The following MAP3K13 variants were observed in gnomAD, a reference collection of about 807,000 sequenced individuals.
MAP3K13 encodes the protein mitogen-activated protein kinase kinase kinase 13, also known as leucine zipper-bearing kinase.
In MAP3K13, 52 loss-of-function variants were observed where a neutral mutation model predicts 104.0. That is an observed-to-expected ratio of 0.50 (90% CI 0.40 to 0.63). The LOEUF is 0.63. Ranked by LOEUF, MAP3K13 falls within the 20% of genes least tolerant of loss-of-function variation. MAP3K13 has a pLI of 0.00. For missense variants in MAP3K13, 914 were observed against 1,218.5 expected, an observed-to-expected ratio of 0.75 and a Z score of 3.72; for synonymous variants, 394 against 442.2, an observed-to-expected ratio of 0.89 and a Z score of 1.37.
intron 1 of MAP3K13, among the ~76,000 whole-genome samples, chr3:185,419,727 A>C (rs1277931530): frequency 6.6e-6 from 1 of 152,146 alleles, no homozygotes; most frequent in Non-Finnish European, 1.5e-5. Context: ...AAAATGTTGA[A>C]TATTAATACT....
Position 185,338,365 on chromosome 3 carries a change from G to A in MAP3K13, c.-86+52722G>A, listed in dbSNP as rs1033022570. Reference sequence around the variant, plus strand: ...AAAAAAAAGACATGAAAAACAAGTGGCTCATATGGGTGTTTTAAGAAACTG... The same window carrying A: ...AAAAAAAAGACATGAAAAACAAGTGACTCATATGGGTGTTTTAAGAAACTG... On this transcript the variant is annotated intron_variant, in intron 2 of 14. Transcript: ENST00000424227. Among the ~76,000 whole-genome samples, 96 of 150,560 alleles carry A rather than the reference G, an allele frequency of 6.4e-4. 1 individual carries two copies. The highest frequency in any genetic ancestry group is 6.9e-3 in the Middle Eastern group (2 of 290).
chr3:185,366,656 G>T (rs183240945), intron 1 of MAP3K13, among the ~76,000 whole-genome samples: 65 of 152,300 alleles, frequency 4.3e-4, no homozygotes, highest in South Asian at 6.2e-4. Context: ...GAATCTCATT[G>T]TGGTTTTGGT....
intron 2 of MAP3K13, among the ~76,000 whole-genome samples, chr3:185,332,851 T>C (rs898127643): frequency 6.6e-6 from 1 of 152,248 alleles, no homozygotes; most frequent in Non-Finnish European, 1.5e-5. Flanking sequence ...TCTGTGAACA[T>C]GGATGTGCAG....
In MAP3K13 at chr3:185,485,603, A is replaced by G. The variant is rs184243098; in HGVS notation, c.*3147A>G. The stretch of plus-strand genomic sequence containing the variant: ...GGTGATCAGATCGACTGTCTCGGTT[A>G]TCAGATGACTGTATCGCAGTGCTTG... On this transcript the variant is annotated 3_prime_UTR_variant, in exon 14 of 14. Coordinates refer to ENST00000265026, the MANE Select transcript of MAP3K13 (RefSeq NM_004721.5). The G allele has an allele frequency of 2.4e-4, 36 of 152,278 alleles. No individual in the cohort carries two copies. The highest frequency in any genetic ancestry group is 7.2e-4 in the African/African-American group (30 of 41,558). 9.4% of individuals were successfully genotyped at this position (152,278 alleles called of 1,614,324 possible). A position where few individuals can be genotyped will look rare whatever the true frequency, so the allele number is the denominator to read the frequency against.
chr3:185,456,033 T>C (rs955857946), intron 7 of MAP3K13, among the ~76,000 whole-genome samples: 17 of 149,540 alleles, frequency 1.1e-4, no homozygotes, highest in African/African-American at 3.7e-4. Flanking sequence ...GATATATGTT[T>C]TTCTACCTGC....
At chr3:185,408,407 T>A (rs7624387) in intron 1 of MAP3K13, among the ~76,000 whole-genome samples, 35,878 of 151,666 alleles carry the variant, frequency 0.24, 4,889 homozygotes, top group African/African-American at 0.38. Context: ...TGCCATCTCC[T>A]CTAAAAGTAC....
At chr3:185,392,425 C>T (rs1016932167) in intron 1 of MAP3K13, among the ~76,000 whole-genome samples, 2 of 152,078 alleles carry the variant, frequency 1.3e-5, no homozygotes, top group Non-Finnish European at 2.9e-5. Flanking sequence ...AGAGATGAGC[C>T]CTAAAGAACA....
At chr3:185,380,962 T>TG (rs2108758650) in intron 1 of MAP3K13, among the ~76,000 whole-genome samples, 1 of 151,540 alleles carries the variant, frequency 6.6e-6, no homozygotes, top group South Asian at 2.1e-4. Flanking sequence ...TTTTTTTGTT[T>TG]TTTTTTGTTT....
At chr3:185,479,570 G>GT (rs1718329044) in intron 12 of MAP3K13, among the ~76,000 whole-genome samples, 1 of 152,186 alleles carries the variant, frequency 6.6e-6, no homozygotes, top group African/African-American at 2.4e-5. Flanking sequence ...ACAAGCTGAT[G>GT]TTTTTCAAAG....
At position 185,341,063 on chromosome 3, in the gene MAP3K13, G is replaced by A. The variant is rs992006695; in HGVS notation, c.-86+55420G>A. ...ACATTCTGAGATTCTGGGTAAATGT[G>A]AATTTTGGGGGCATACTATTCAACA... is the stretch of plus-strand genomic sequence containing the variant. On this transcript the variant is annotated intron_variant, in intron 2 of 14. Transcript: ENST00000424227. Among the ~76,000 whole-genome samples the A allele has an allele frequency of 4.6e-5, 7 of 152,042 alleles. No homozygotes were observed. In the South Asian group the frequency reaches 1.5e-3, roughly 32 times the overall value.
chr3:185,328,014 G>A (rs572993399), intron 2 of MAP3K13, among the ~76,000 whole-genome samples: 16 of 151,670 alleles, frequency 1.1e-4, no homozygotes, highest in Non-Finnish European at 2.1e-4. Flanking sequence ...AGGAAGGAAG[G>A]AAGGAATAAA....
At position 185,418,781 on chromosome 3, in the gene MAP3K13, C is replaced by T; in HGVS notation, c.-85-9716C>T. 1.1e-5 allele frequency: 18 copies of T among 1,597,418 alleles called. No individual in the cohort carries two copies. Among genetic ancestry groups the T allele is most frequent in the Non-Finnish European group, 1.5e-5 (18 of 1,168,026 alleles). Reference sequence around the variant, plus strand: ...ATCATTGGGCGAGCACACGCCATGGCGGAGAGAGGAGACAGCCACGCTCCT... The same window carrying T: ...ATCATTGGGCGAGCACACGCCATGGTGGAGAGAGGAGACAGCCACGCTCCT... On this transcript the variant is annotated intron_variant, in intron 1 of 13. Transcript: ENST00000265026. This position sits in a 1 kb window ranked among gnomAD's most constrained non-coding sequence, Gnocchi z 4.5.
intron 4 of MAP3K13, among the ~76,000 whole-genome samples, chr3:185,444,762 T>C (rs1318809086): frequency 1.3e-5 from 2 of 152,208 alleles, no homozygotes; most frequent in African/African-American, 4.8e-5. Flanking sequence ...AGCAAAGGAT[T>C]AATCTCTTTT....
chr3:185,433,195 T>C (rs185390374), intron 2 of MAP3K13, among the ~76,000 whole-genome samples: 23 of 152,356 alleles, frequency 1.5e-4, no homozygotes, highest in African/African-American at 5.5e-4. Flanking sequence ...AGTACTGTCA[T>C]GGCCATGTCT....
intron 2 of MAP3K13, 93 bp downstream of exon 2, chr3:185,429,149 T>G: frequency 8.2e-7 from 1 of 1,220,890 alleles, no homozygotes; most frequent in South Asian, 1.5e-5. Flanking sequence ...CTATGACCTT[T>G]GGGCAAATTA....
intron 2 of MAP3K13, among the ~76,000 whole-genome samples, chr3:185,429,712 T>A (rs1018052512): frequency 2.0e-5 from 3 of 152,202 alleles, no homozygotes; most frequent in Admixed American, 2.0e-4. Flanking sequence ...CTGGACCAAT[T>A]TAAAACCAGA....
intron 8 of MAP3K13, among the ~76,000 whole-genome samples, chr3:185,465,092 C>G: frequency 6.6e-6 from 1 of 152,242 alleles, no homozygotes; most frequent in East Asian, 1.9e-4. Context: ...AGCGATTCTT[C>G]TGCCTCAGCC....
At chr3:185,294,761 G>A (rs1032236288) in intron 2 of MAP3K13, among the ~76,000 whole-genome samples, 6 of 152,224 alleles carry the variant, frequency 3.9e-5, no homozygotes, top group Non-Finnish European at 7.3e-5. Flanking sequence ...CATGTAGGAA[G>A]TAGGATCTAC....
chr3:185,432,854 G>C (rs1191450307), intron 2 of MAP3K13, among the ~76,000 whole-genome samples: 3 of 152,204 alleles, frequency 2.0e-5, no homozygotes, highest in Non-Finnish European at 4.4e-5. Context: ...AGGCACAGCA[G>C]GTGCCTGGCC....
Sources: allele counts gnomAD v4.1 joint callset (sites outside exome capture counted in the v4.1 genomes callset), GRCh38; gene constraint gnomAD v4.1.1; non-coding constraint Gnocchi (gnomAD v3.1); transcripts MANE v1.5; gene names NCBI Gene and HGNC (gene_info 2026-07-23, HGNC 2026-07-21).